Variants in RUNX2 observed in about 807,000 individuals in gnomAD.
RUNX2 encodes runt-related transcription factor 2.
Under a neutral mutation model 51.7 loss-of-function variants are expected in RUNX2, and 10 were observed. The observed-to-expected ratio is 0.19, with a 90% CI of 0.12 to 0.33. The LOEUF is 0.33. RUNX2 is among the 10% of genes least tolerant of loss of function. RUNX2 has a pLI of 1.00. For missense variants in RUNX2, 562 were observed against 691.3 expected (o/e 0.81, Z 2.10); for synonymous variants, 276 against 273.6 (o/e 1.01, Z -0.09).
At chr6:45,347,927 T>C (rs1791222665) in intron 2 of RUNX2, among the ~76,000 whole-genome samples, 1 of 152,104 alleles carries the variant, frequency 6.6e-6, no homozygotes, top group African/African-American at 2.4e-5. Flanking sequence ...AAAAATTATT[T>C]CCCTCCTTGG....
Position 45,549,554 on chromosome 6 carries a change from G to T in RUNX2, c.*2249G>T. 2.5e-6 allele frequency: 1 copy of T among 395,720 alleles called. No homozygotes were observed. Among genetic ancestry groups the T allele is most frequent in the Non-Finnish European group, 4.5e-6 (1 of 224,638 alleles). The allele number at this position is 395,720 out of a possible 1,614,324, so 24.5% of individuals were successfully genotyped here. ...AATTGATACTATTTATTGTTTGTGT[G>T]TGGTAGCTTGAAGCACACCACTGTC... On this transcript the variant is annotated 3_prime_UTR_variant, in exon 9 of 9. Coordinates refer to ENST00000647337, the MANE Select transcript of RUNX2 (RefSeq NM_001024630.4).
intron 6 of RUNX2, among the ~76,000 whole-genome samples, chr6:45,496,434 G>A (rs1217430702): frequency 6.6e-6 from 1 of 152,120 alleles, no homozygotes; most frequent in Non-Finnish European, 1.5e-5. Context: ...TCAATAAATA[G>A]GTAAATAAGC....
At chr6:45,494,264 C>G (rs1345747009) in intron 6 of RUNX2, among the ~76,000 whole-genome samples, 3 of 152,232 alleles carry the variant, frequency 2.0e-5, no homozygotes, top group Admixed American at 2.0e-4. Context: ...GGCCCTCCTC[C>G]AGTTGTCAGC....
intron 5 of RUNX2, among the ~76,000 whole-genome samples, chr6:45,447,332 G>A (rs948789486): frequency 8.5e-5 from 13 of 152,300 alleles, no homozygotes; most frequent in African/African-American, 3.1e-4. Flanking sequence ...TCTTAAGAGT[G>A]CAAGATTTTG....
intron 2 of RUNX2, among the ~76,000 whole-genome samples, chr6:45,355,911 C>T (rs908315980): frequency 6.6e-6 from 1 of 151,830 alleles, no homozygotes; most frequent in African/African-American, 2.4e-5. Context: ...ATTTAATTTC[C>T]CCCCCTTTCC....
At chr6:45,354,280 C>T (rs563263305) in intron 2 of RUNX2, among the ~76,000 whole-genome samples, 6 of 152,080 alleles carry the variant, frequency 3.9e-5, no homozygotes, top group Non-Finnish European at 7.4e-5. Context: ...GATAGATATA[C>T]ACACAATGAA....
chr6:45,337,585 G>C (rs1040087703), intron 2 of RUNX2, among the ~76,000 whole-genome samples: 5 of 151,602 alleles, frequency 3.3e-5, no homozygotes, highest in Non-Finnish European at 7.4e-5. Flanking sequence ...CTAAAACAAC[G>C]GACTACCTGT....
At chr6:45,330,430 AG>A (rs900593712) in intron 2 of RUNX2, among the ~76,000 whole-genome samples, 1 of 152,016 alleles carries the variant, frequency 6.6e-6, no homozygotes, top group African/African-American at 2.4e-5. Context: ...CAGAGATATC[AG>A]GGAGGGATAA....
Position 45,388,174 on chromosome 6 carries a change from A to T in RUNX2, c.59-34419A>T, listed in dbSNP as rs536017611. Reference sequence around the variant, plus strand: ...ACCCTAGAAAAGAGCCCAGAAAGTGAGATGAGTCTTAAATTAGAAAAGAGG... The same window carrying T: ...ACCCTAGAAAAGAGCCCAGAAAGTGTGATGAGTCTTAAATTAGAAAAGAGG... On this transcript the variant is annotated intron_variant, in intron 2 of 8. Coordinates refer to ENST00000647337, the MANE Select transcript of RUNX2 (RefSeq NM_001024630.4). 2.0e-3 allele frequency among the ~76,000 whole-genome samples: 310 copies of T among 152,326 alleles called. 2 individuals are homozygous for T. The highest frequency in any genetic ancestry group is 0.017 in the South Asian group (80 of 4,822).
At chr6:45,543,749 G>C (rs1236936148) in intron 7 of RUNX2, among the ~76,000 whole-genome samples, 2 of 152,070 alleles carry the variant, frequency 1.3e-5, no homozygotes, top group Non-Finnish European at 2.9e-5. Flanking sequence ...AGCCCAAGCA[G>C]GGGTTCTAAA....
At chr6:45,406,469 C>T (rs1014943105) in intron 2 of RUNX2, among the ~76,000 whole-genome samples, 2 of 152,190 alleles carry the variant, frequency 1.3e-5, no homozygotes, top group Non-Finnish European at 2.9e-5. Flanking sequence ...GGCTGGGGTG[C>T]AATGGTACAA....
In RUNX2 at chr6:45,328,472, C is replaced by G. The variant is rs763766869; in HGVS notation, c.-67+12C>G. 1 of 1,485,320 alleles carries G rather than the reference C, an allele frequency of 6.7e-7. No individual in the cohort carries two copies. Among genetic ancestry groups the G allele is most frequent in the Non-Finnish European group, 9.1e-7 (1 of 1,098,818 alleles). The allele number at this position is 1,485,320 out of a possible 1,614,324, so 92.0% of individuals were successfully genotyped here. On this transcript the variant is annotated intron_variant, in intron 1 of 8. Transcript: ENST00000647337. Reference sequence around the variant, plus strand: ...GACCAACAGAGTCAGTGAGTGCTCTCTAACCACAGTCTATGCAGTAATAGT... The same window carrying G: ...GACCAACAGAGTCAGTGAGTGCTCTGTAACCACAGTCTATGCAGTAATAGT...
At chr6:45,543,012 C>T (rs989142683) in intron 7 of RUNX2, among the ~76,000 whole-genome samples, 1 of 152,154 alleles carries the variant, frequency 6.6e-6, no homozygotes, top group African/African-American at 2.4e-5. Flanking sequence ...ATTTGAGTAC[C>T]TTGGGGGATC....
chr6:45,348,320 T>TA (rs1040174804), intron 2 of RUNX2, among the ~76,000 whole-genome samples: 1 of 151,082 alleles, frequency 6.6e-6, no homozygotes, highest in Non-Finnish European at 1.5e-5. Flanking sequence ...TTCTAAATTC[T>TA]AAAAAAAAAT....
In RUNX2 at chr6:45,539,376, C is replaced by G. The variant is rs78525773; in HGVS notation, c.1022-5841C>G. 6.2e-4 allele frequency among the ~76,000 whole-genome samples: 94 copies of G among 152,310 alleles called. No individual in the cohort carries two copies. In the East Asian group the frequency reaches 0.017, roughly 27 times the overall value. On this transcript the variant is annotated intron_variant, in intron 7 of 8. Transcript: ENST00000647337. ...ACTGGATAGTCGAGGGACTTTCCCTCTCTTTTGCAAAAGAATGGAGTTTGC... is the reference window on the plus strand; with the variant it reads ...ACTGGATAGTCGAGGGACTTTCCCTGTCTTTTGCAAAAGAATGGAGTTTGC...
intron 2 of RUNX2, among the ~76,000 whole-genome samples, chr6:45,367,778 T>TC (rs1795397207): frequency 6.6e-6 from 1 of 152,192 alleles, no homozygotes; most frequent in African/African-American, 2.4e-5. Flanking sequence ...TGCTCCTTTT[T>TC]CATTTTCAAA....
chr6:45,409,925 A>G (rs1049494669), intron 2 of RUNX2, among the ~76,000 whole-genome samples: 4 of 152,228 alleles, frequency 2.6e-5, no homozygotes, highest in Non-Finnish European at 4.4e-5. Context: ...GATGAGTGCA[A>G]TAATGGAGGT....
chr6:45,425,248 C>G (rs1213924542), intron 3 of RUNX2, among the ~76,000 whole-genome samples: 2 of 152,126 alleles, frequency 1.3e-5, no homozygotes, highest in African/African-American at 2.4e-5. Flanking sequence ...TGCATTTATG[C>G]GGCTGAATTG....
At chr6:45,443,135 C>T (rs532952221) in intron 5 of RUNX2, among the ~76,000 whole-genome samples, 4 of 144,224 alleles carry the variant, frequency 2.8e-5, no homozygotes, top group African/African-American at 7.7e-5. Flanking sequence ...CAACCTCAAA[C>T]TCCTGGGCTC....
Sources: gnomAD v4.1 joint callset for allele counts (sites outside exome capture counted in the v4.1 genomes callset) on GRCh38, gnomAD v4.1.1 for gene constraint, MANE v1.5 for transcripts, NCBI Gene and HGNC (gene_info 2026-07-23, HGNC 2026-07-21) for gene names.